CHODL: variants seen among roughly 807,000 people sequenced by gnomAD.
CHODL encodes the protein transmembrane protein MT75.
In CHODL, 29 loss-of-function variants were observed where a neutral mutation model predicts 34.5. The ratio of observed to expected loss-of-function variants is 0.84; its 90% CI spans 0.63 to 1.15. CHODL has a LOEUF of 1.15. Ranked by LOEUF, CHODL falls within the 50% of genes most tolerant of loss-of-function variation. The probability of loss-of-function intolerance (pLI) is 0.00; values close to 1 mark genes in which losing one functional copy is unlikely to be tolerated. For missense variants in CHODL, 332 were observed against 332.5 expected (o/e 1.00, Z 0.01); for synonymous variants, 125 against 116.1 (o/e 1.08, Z -0.49).
intron 2 of CHODL, among the ~76,000 whole-genome samples, chr21:18,052,651 C>T (rs560482634): frequency 1.8e-4 from 28 of 152,058 alleles, no homozygotes; most frequent in South Asian, 1.7e-3. Flanking sequence ...CCATGTGCCT[C>T]TACTCAAACA....
intron 2 of CHODL, among the ~76,000 whole-genome samples, chr21:18,158,856 G>A (rs55872814): frequency 0.79 from 110,813 of 140,244 alleles, 43,989 homozygotes; most frequent in Non-Finnish European, 0.86. Context: ...AAAAAAAAAA[G>A]AAGAAGAAAA....
rs573327649 is a variant in CHODL at position 17,976,220 on chromosome 21, G to A, written c.-144-51652G>A. Reference sequence around the variant, plus strand: ...CAGGAGGCGGATATTGCAGTGAGCCGAGATTGCACCATTGCACTCCAACCT... The same window carrying A: ...CAGGAGGCGGATATTGCAGTGAGCCAAGATTGCACCATTGCACTCCAACCT... On this transcript the variant is annotated intron_variant, in intron 1 of 6. Coordinates refer to the CHODL transcript ENST00000400127. 4.8e-4 allele frequency among the ~76,000 whole-genome samples: 62 copies of A among 128,416 alleles called. 1 individual carries two copies. Among genetic ancestry groups the A allele is most frequent in the Admixed American group, 4.0e-3 (43 of 10,666 alleles). 84.2% of individuals were successfully genotyped at this position (128,416 alleles called of 152,430 possible).
At chr21:18,148,658 C>T (rs2072928626) in intron 2 of CHODL, among the ~76,000 whole-genome samples, 3 of 152,018 alleles carry the variant, frequency 2.0e-5, no homozygotes, top group Admixed American at 6.6e-5. Flanking sequence ...ATGATTCCTT[C>T]CTTATATGAA....
intron 2 of CHODL, among the ~76,000 whole-genome samples, chr21:18,167,668 C>A (rs1415267248): frequency 6.6e-6 from 1 of 152,064 alleles, no homozygotes; most frequent in Non-Finnish European, 1.5e-5. Flanking sequence ...TAAAATTCAC[C>A]ACTTTATCTT....
chr21:18,251,516 A>AAAAT (rs369087998), intron 1 of CHODL, among the ~76,000 whole-genome samples: 414 of 37,872 alleles, frequency 0.011, 96 homozygotes, highest in African/African-American at 0.024. Context: ...TTTAATATAT[A>AAAAT]AAATATTTAT....
intron 2 of CHODL, among the ~76,000 whole-genome samples, chr21:18,123,362 A>G (rs1404464377): frequency 2.6e-5 from 4 of 152,244 alleles, no homozygotes; most frequent in Admixed American, 6.5e-5. Flanking sequence ...CTTATTAAGG[A>G]GACTAGGTGC....
intron 2 of CHODL, among the ~76,000 whole-genome samples, chr21:18,049,097 G>T (rs889788190): frequency 6.6e-6 from 1 of 151,832 alleles, no homozygotes; most frequent in African/African-American, 2.4e-5. Flanking sequence ...CATTGTTCTT[G>T]TACAGTGTAT....
chr21:18,054,324 T>G (rs554554953), intron 2 of CHODL, among the ~76,000 whole-genome samples: 15 of 152,090 alleles, frequency 9.9e-5, no homozygotes, highest in Admixed American at 8.5e-4. Context: ...AAACATTTTT[T>G]TCTCCAATTT....
chr21:18,118,233 A>G (rs1021805454), intron 2 of CHODL, among the ~76,000 whole-genome samples: 2 of 152,174 alleles, frequency 1.3e-5, no homozygotes, highest in African/African-American at 4.8e-5. Flanking sequence ...AGCCTCAATC[A>G]TGCCATCAAA....
At chr21:18,182,507 A>G (rs1321981286) in intron 2 of CHODL, among the ~76,000 whole-genome samples, 2 of 152,246 alleles carry the variant, frequency 1.3e-5, no homozygotes, top group Non-Finnish European at 2.9e-5. Context: ...TTAAATATGT[A>G]CAATTTTGTC....
At chr21:18,217,417 GA>G (rs1236284867) in intron 2 of CHODL, among the ~76,000 whole-genome samples, 4 of 152,088 alleles carry the variant, frequency 2.6e-5, no homozygotes, top group Non-Finnish European at 5.9e-5. Context: ...GCAAAAGGGG[GA>G]AAAGCCCCTT....
chr21:18,106,383 G>A (rs115680727), intron 2 of CHODL, among the ~76,000 whole-genome samples: 6,651 of 152,118 alleles, frequency 0.044, 477 homozygotes, highest in African/African-American at 0.15. Flanking sequence ...GCCCTTGGTC[G>A]GTCACCAAAT....
At chr21:18,071,945 A>C (rs936861791) in intron 2 of CHODL, among the ~76,000 whole-genome samples, 1 of 152,138 alleles carries the variant, frequency 6.6e-6, no homozygotes, top group Non-Finnish European at 1.5e-5. Flanking sequence ...GGCTTTATAA[A>C]TAAAGTTCTT....
At chr21:18,134,489 C>A (rs557553856) in intron 2 of CHODL, among the ~76,000 whole-genome samples, 1 of 152,082 alleles carries the variant, frequency 6.6e-6, no homozygotes, top group Non-Finnish European at 1.5e-5. Context: ...GAACTGTATA[C>A]AATATAGGTA....
intron 2 of CHODL, among the ~76,000 whole-genome samples, chr21:18,210,697 C>A (rs753653306): frequency 2.6e-5 from 4 of 152,128 alleles, no homozygotes; most frequent in African/African-American, 4.8e-5. Context: ...TAGCTACTAC[C>A]TTGGTTAGGC....
chr21:18,010,118 C>CAAAA (rs547675850), intron 1 of CHODL, among the ~76,000 whole-genome samples: 8 of 61,230 alleles, frequency 1.3e-4, no homozygotes, highest in Non-Finnish European at 1.8e-4. Flanking sequence ...TACTAAAATA[C>CAAAA]AAAAAAAAAA....
chr21:17,926,376 G>GTTTTTTTTTTTTTTTTTTT (rs34409622), intron 1 of CHODL, among the ~76,000 whole-genome samples: 1 of 127,126 alleles, frequency 7.9e-6, no homozygotes, highest in African/African-American at 2.7e-5. Flanking sequence ...AATAAGGTGG[G>GTTTTTTTTTTTTTTTTTTT]TTTTTTTTTT....
chr21:18,082,267 T>C (rs1284679605), intron 2 of CHODL, among the ~76,000 whole-genome samples: 1 of 152,174 alleles, frequency 6.6e-6, no homozygotes, highest in Non-Finnish European at 1.5e-5. Flanking sequence ...TCTCCCTTGA[T>C]TGTAAATTTC....
intron 2 of CHODL, among the ~76,000 whole-genome samples, chr21:18,057,530 T>A (rs2064598567): frequency 6.6e-6 from 1 of 151,926 alleles, no homozygotes. Flanking sequence ...ATAGTTTACA[T>A]AGGGTTCACT....
Sources: allele counts gnomAD v4.1 joint callset (sites outside exome capture counted in the v4.1 genomes callset), GRCh38; gene constraint gnomAD v4.1.1; transcripts MANE v1.5; gene names NCBI Gene and HGNC (gene_info 2026-07-23, HGNC 2026-07-21).